LOC128125814: variants seen among roughly 807,000 people sequenced by gnomAD.
the LOC128125814 span, chr12:57,519,341 G>A: frequency 2.5e-6 from 1 of 394,348 alleles, no homozygotes; most frequent in African/African-American, 2.1e-5. Flanking sequence ...AGCTTTCTCC[G>A]TGGCACTTAT....
chr12:57,520,378 G>A, the LOC128125814 span: 5 of 398,504 alleles, frequency 1.3e-5, no homozygotes, highest in Admixed American at 1.3e-4. Flanking sequence ...CAACTTTGAG[G>A]AGACGGGAGG....
At chr12:57,519,922 C>T in the LOC128125814 span, among the ~76,000 whole-genome samples, 1 of 152,212 alleles carries the variant, frequency 6.6e-6, no homozygotes, top group Admixed American at 6.5e-5. Context: ...CAAGGTTCCC[C>T]TATCCGCTGC....
chr12:57,517,943 C>T, the LOC128125814 span, among the ~76,000 whole-genome samples: 6 of 151,850 alleles, frequency 4.0e-5, no homozygotes, highest in Non-Finnish European at 5.9e-5. Flanking sequence ...TCTTCTGCCT[C>T]GGCCTCCCGA....
At chr12:57,519,358 T>C in the LOC128125814 span, 5 of 383,612 alleles carry the variant, frequency 1.3e-5, no homozygotes, top group Non-Finnish European at 2.6e-5. Context: ...TTATATTTTG[T>C]TTACTGTAGG....
the LOC128125814 span, chr12:57,519,019 T>G: frequency 1.9e-6 from 1 of 515,336 alleles, no homozygotes; most frequent in Non-Finnish European, 3.9e-6. Context: ...TCTAAACACT[T>G]CTAATTCCAT....
At chr12:57,520,246 C>CG in the LOC128125814 span, among the ~76,000 whole-genome samples, 8 of 152,304 alleles carry the variant, frequency 5.3e-5, no homozygotes, top group South Asian at 1.5e-3. Context: ...GAGACGCCGT[C>CG]GTCCGAAGCA....
At chr12:57,517,803 AACTT>A in the LOC128125814 span, 5 of 425,438 alleles carry the variant, frequency 1.2e-5, no homozygotes, top group East Asian at 6.9e-5. Context: ...GGGGAGAGGC[AACTT>A]ACTTTTCTTT....
chr12:57,518,329 GC>G, the LOC128125814 span, among the ~76,000 whole-genome samples: 2 of 152,122 alleles, frequency 1.3e-5, no homozygotes, highest in Non-Finnish European at 2.9e-5. Context: ...CCTCAAATCT[GC>G]CAGGGTAAAA....
the LOC128125814 span, among the ~76,000 whole-genome samples, chr12:57,519,693 C>G: frequency 1.6e-4 from 24 of 152,336 alleles, no homozygotes; most frequent in South Asian, 2.9e-3. Context: ...TGGCCTGATG[C>G]AATGGTTACA....
the LOC128125814 span, chr12:57,517,797 A>G: frequency 4.7e-6 from 2 of 428,558 alleles, no homozygotes; most frequent in Non-Finnish European, 4.1e-6. Context: ...TGGAAGGGGG[A>G]GAGGCAACTT....
chr12:57,517,997 TTG>T, the LOC128125814 span, among the ~76,000 whole-genome samples: 4 of 152,132 alleles, frequency 2.6e-5, no homozygotes, highest in African/African-American at 9.7e-5. Context: ...CAGCTAATTT[TTG>T]TGTTTTTAGC....
chr12:57,520,057 C>G, the LOC128125814 span, among the ~76,000 whole-genome samples: 4 of 152,208 alleles, frequency 2.6e-5, no homozygotes, highest in Non-Finnish European at 4.4e-5. Context: ...ACGGCCTGAG[C>G]GATGGTCACC....
chr12:57,519,849 C>T, the LOC128125814 span, among the ~76,000 whole-genome samples: 2 of 152,238 alleles, frequency 1.3e-5, no homozygotes, highest in Non-Finnish European at 2.9e-5. Context: ...GAGACCTCTA[C>T]GGCAAAAGGA....
chr12:57,518,575 C>T, the LOC128125814 span, among the ~76,000 whole-genome samples: 1 of 152,212 alleles, frequency 6.6e-6, no homozygotes, highest in Non-Finnish European at 1.5e-5. Flanking sequence ...CAGATGACAA[C>T]TCTAGTTGCT....
the LOC128125814 span, among the ~76,000 whole-genome samples, chr12:57,518,784 G>C: frequency 6.6e-6 from 1 of 152,098 alleles, no homozygotes; most frequent in Non-Finnish European, 1.5e-5. Flanking sequence ...TCAGCCTCCG[G>C]AGTAGCTGGG....
the LOC128125814 span, among the ~76,000 whole-genome samples, chr12:57,519,582 C>T: frequency 1.3e-5 from 2 of 152,226 alleles, no homozygotes; most frequent in Non-Finnish European, 2.9e-5. Context: ...CTCTGCAGGG[C>T]TGTCCTCCCT....
chr12:57,518,379 C>CT, the LOC128125814 span, among the ~76,000 whole-genome samples: 2 of 152,160 alleles, frequency 1.3e-5, no homozygotes, highest in Admixed American at 1.3e-4. Context: ...TAGCATTTTC[C>CT]TAACTCCATT....
At chr12:57,517,716 G>A in the LOC128125814 span, 1 of 556,710 alleles carries the variant, frequency 1.8e-6, no homozygotes, top group Non-Finnish European at 3.2e-6. Flanking sequence ...CTGCTTTCAG[G>A]TGTGGTGATG....
the LOC128125814 span, among the ~76,000 whole-genome samples, chr12:57,520,260 G>A: frequency 6.6e-6 from 1 of 152,192 alleles, no homozygotes; most frequent in African/African-American, 2.4e-5. Context: ...CGAAGCAATA[G>A]GGGTTTGTAA....
Sources: allele counts gnomAD v4.1 joint callset (sites outside exome capture counted in the v4.1 genomes callset), GRCh38; gene constraint gnomAD v4.1.1; transcripts MANE v1.5.